MACROD2: variants seen among roughly 807,000 people sequenced by gnomAD.
MACROD2 encodes the protein mono-ADP ribosylhydrolase 2, also known as ADP-ribose glycohydrolase MACROD2.
MACROD2 carries 36 observed loss-of-function variants against 70.4 expected under a neutral mutation model. The ratio of observed to expected loss-of-function variants is 0.51; its 90% CI spans 0.39 to 0.68. The LOEUF (loss-of-function observed/expected upper bound fraction) is 0.68. Among genes scored for constraint, MACROD2 ranks in the 30% least tolerant of loss-of-function variants. The pLI, the probability that MACROD2 is intolerant of heterozygous loss-of-function variation, is 0.00. For synonymous variants in MACROD2, 172 were observed against 178.8 expected (o/e 0.96, Z 0.30); for missense variants, 496 against 538.4 (o/e 0.92, Z 0.78).
At chr20:14,774,558 T>C (rs2072210379) in intron 5 of MACROD2, among the ~76,000 whole-genome samples, 1 of 152,074 alleles carries the variant, frequency 6.6e-6, no homozygotes, top group Non-Finnish European at 1.5e-5. Context: ...CCTTCTCAGT[T>C]ATTTGAGAGG....
At chr20:14,605,031 T>A (rs1223734945) in intron 4 of MACROD2, among the ~76,000 whole-genome samples, 2 of 152,196 alleles carry the variant, frequency 1.3e-5, no homozygotes, top group Non-Finnish European at 2.9e-5. Context: ...TATATTTGAC[T>A]CTTACAAAAT....
chr20:15,186,667 G>GA (rs1239475820), intron 5 of MACROD2, among the ~76,000 whole-genome samples: 1 of 151,602 alleles, frequency 6.6e-6, no homozygotes, highest in Non-Finnish European at 1.5e-5. Flanking sequence ...AGTAGAATAG[G>GA]AAAAAAAAAT....
chr20:14,012,066 C>G (rs1262432211), intron 2 of MACROD2, among the ~76,000 whole-genome samples: 3 of 151,980 alleles, frequency 2.0e-5, no homozygotes, highest in Admixed American at 2.0e-4. Flanking sequence ...GTACCCCCGC[C>G]CAGCTAAATT....
intron 5 of MACROD2, among the ~76,000 whole-genome samples, chr20:14,732,210 G>A (rs139286956): frequency 1.3e-5 from 2 of 152,222 alleles, no homozygotes; most frequent in South Asian, 2.1e-4. Flanking sequence ...TGTGGCTGGC[G>A]TCATTTTGTA....
intron 6 of MACROD2, among the ~76,000 whole-genome samples, chr20:15,331,960 C>T (rs921041867): frequency 5.3e-5 from 8 of 151,334 alleles, no homozygotes; most frequent in Non-Finnish European, 1.2e-4. Context: ...ATATATCGAC[C>T]TGAAAGTGTA....
rs114239600 is a variant in MACROD2 at position 15,654,105 on chromosome 20, G to A, written c.645+154258G>A. Among the ~76,000 whole-genome samples, 235 of 152,252 alleles carry A rather than the reference G, an allele frequency of 1.5e-3. 1 individual carries two copies. The highest frequency in any genetic ancestry group is 5.5e-3 in the African/African-American group (228 of 41,544). On this transcript the variant is annotated intron_variant, in intron 8 of 17. Coordinates refer to ENST00000684519, the MANE Select transcript of MACROD2 (RefSeq NM_001351661.2). The stretch of plus-strand genomic sequence containing the variant: ...ACCCTCCCAAACAGCAGGCTGCGCC[G>A]GCCCTAACTTATGTGACCGGTTGTA...
Position 14,320,177 on chromosome 20 carries a change from T to C in MACROD2, c.272-173302T>C, listed in dbSNP as rs190724266. On this transcript the variant is annotated intron_variant, in intron 3 of 17. Coordinates refer to ENST00000684519, the MANE Select transcript of MACROD2 (RefSeq NM_001351661.2). ...TCTGTTTCTTCTCAGTTGTTTTCCA[T>C]CTTTATTAATTGCCTCACCAACATT... is the stretch of plus-strand genomic sequence containing the variant. Among the ~76,000 whole-genome samples, 4 of 152,334 alleles carry C rather than the reference T, an allele frequency of 2.6e-5. No homozygotes were observed. The East Asian group carries it at 7.7e-4, about 29-fold the overall frequency.
chr20:14,075,281 T>A (rs1260599328), intron 2 of MACROD2, among the ~76,000 whole-genome samples: 1 of 152,190 alleles, frequency 6.6e-6, no homozygotes, highest in African/African-American at 2.4e-5. Flanking sequence ...TCTGCAAAAT[T>A]ACAGCCACTA....
At chr20:14,520,971 A>ACATG (rs1555798900) in intron 4 of MACROD2, among the ~76,000 whole-genome samples, 19 of 151,496 alleles carry the variant, frequency 1.3e-4, no homozygotes, top group African/African-American at 4.6e-4. Flanking sequence ...ACACACACAC[A>ACATG]CACGCACACA....
At chr20:14,539,315 C>T (rs903829010) in intron 4 of MACROD2, among the ~76,000 whole-genome samples, 1 of 152,170 alleles carries the variant, frequency 6.6e-6, no homozygotes, top group Non-Finnish European at 1.5e-5. Flanking sequence ...CCTCTTTTAG[C>T]TTTTCTGACC....
intron 4 of MACROD2, among the ~76,000 whole-genome samples, chr20:14,610,362 G>T (rs1459757842): frequency 6.6e-6 from 1 of 151,992 alleles, no homozygotes; most frequent in Non-Finnish European, 1.5e-5. Flanking sequence ...CATTTTCAAA[G>T]AAAACACAAT....
chr20:15,097,324 G>A (rs1050015370), intron 5 of MACROD2, among the ~76,000 whole-genome samples: 3 of 152,134 alleles, frequency 2.0e-5, no homozygotes, highest in Non-Finnish European at 4.4e-5. Flanking sequence ...AGGAAATGAT[G>A]AGTATCTTTG....
intron 7 of MACROD2, among the ~76,000 whole-genome samples, chr20:15,442,316 T>C (rs920615168): frequency 6.6e-5 from 10 of 152,200 alleles, no homozygotes; most frequent in Non-Finnish European, 1.5e-4. Flanking sequence ...AAAGTTAAAC[T>C]GTTCTAACAA....
chr20:15,494,971 T>C (rs1395380224), intron 7 of MACROD2, among the ~76,000 whole-genome samples: 4 of 152,204 alleles, frequency 2.6e-5, no homozygotes. Context: ...TGCACCTGGA[T>C]ACACACACAT....
At chr20:15,125,427 T>TA (rs1337084157) in intron 5 of MACROD2, among the ~76,000 whole-genome samples, 1 of 152,114 alleles carries the variant, frequency 6.6e-6, no homozygotes, top group African/African-American at 2.4e-5. Context: ...TTTATGTGAT[T>TA]AGATTGGACA....
At chr20:14,129,917 T>A (rs2148698243) in intron 3 of MACROD2, among the ~76,000 whole-genome samples, 1 of 152,360 alleles carries the variant, frequency 6.6e-6, no homozygotes, top group South Asian at 2.1e-4. Flanking sequence ...AATATAAACA[T>A]AATTTTATAT....
intron 4 of MACROD2, among the ~76,000 whole-genome samples, chr20:14,510,944 A>G (rs1208965675): frequency 6.6e-6 from 1 of 152,124 alleles, no homozygotes; most frequent in Non-Finnish European, 1.5e-5. Context: ...AGTGGGTGGT[A>G]TGATAAAATG....
intron 2 of MACROD2, among the ~76,000 whole-genome samples, chr20:14,067,299 T>G (rs1256121945): frequency 1.3e-5 from 2 of 151,778 alleles, no homozygotes; most frequent in East Asian, 3.9e-4. Context: ...AATTTTTGTA[T>G]TTTTAGTAGA....
intron 6 of MACROD2, among the ~76,000 whole-genome samples, chr20:15,364,432 C>G (rs1477435726): frequency 6.6e-6 from 1 of 152,186 alleles, no homozygotes; most frequent in Middle Eastern, 3.2e-3. Context: ...CCCAGGTATG[C>G]CCCTCTGTCC....
Sources: allele counts gnomAD v4.1 joint callset (sites outside exome capture counted in the v4.1 genomes callset), GRCh38; gene constraint gnomAD v4.1.1; transcripts MANE v1.5; gene names NCBI Gene and HGNC (gene_info 2026-07-23, HGNC 2026-07-21).